The following GLDC variants were observed in gnomAD, a reference collection of about 807,000 sequenced individuals.
GLDC encodes the protein glycine dehydrogenase (decarboxylating), mitochondrial.
GLDC carries 104 observed loss-of-function variants against 121.3 expected under a neutral mutation model. The observed-to-expected ratio is 0.86, with a 90% CI of 0.73 to 1.01. The LOEUF is 1.01. Ranked by LOEUF, GLDC falls within the 50% of genes least tolerant of loss-of-function variation. The probability of loss-of-function intolerance (pLI) is 0.00; values close to 1 mark genes in which losing one functional copy is unlikely to be tolerated. For synonymous variants in GLDC, 546 were observed against 480.6 expected (o/e 1.14, Z -1.78); for missense variants, 1,429 against 1,306.6 (o/e 1.09, Z -1.44).
Position 6,592,198 on chromosome 9 carries a change from A to T in GLDC, c.1427T>A (p.Val476Asp). 3.7e-6 allele frequency: 6 copies of T among 1,606,220 alleles called. No individual in the cohort carries two copies. Among genetic ancestry groups the T allele is most frequent in the Non-Finnish European group, 5.1e-6 (6 of 1,173,090 alleles). ...CAAATCGTCCAGATCTTTTTCATTG[A>T]CTGTTTCATCAAGAGAAATACCAAG... ...GTLGISLDETVNEKDLDDLLW... is the reference protein window; with the variant it reads ...GTLGISLDETDNEKDLDDLLW... The change falls in exon 11 of 25, where the codon GTC (valine) becomes GAC (aspartate). Residue 476 changes from valine to aspartate, a missense_variant. Coordinates refer to ENST00000321612, the MANE Select transcript of GLDC (RefSeq NM_000170.3).
intron 2 of GLDC, among the ~76,000 whole-genome samples, chr9:6,620,534 C>G (rs982457204): frequency 1.3e-5 from 2 of 151,518 alleles, no homozygotes; most frequent in African/African-American, 2.4e-5. Flanking sequence ...CAAGGTTGGC[C>G]CCCCCATCAC....
At chr9:6,620,951 T>C (rs189997237) in intron 2 of GLDC, among the ~76,000 whole-genome samples, 7 of 152,250 alleles carry the variant, frequency 4.6e-5, no homozygotes, top group Non-Finnish European at 8.8e-5. Flanking sequence ...GCGGATCACC[T>C]GAGGTCAGGA....
At chr9:6,547,146 G>A (rs1170311976) in intron 21 of GLDC, among the ~76,000 whole-genome samples, 1 of 151,998 alleles carries the variant, frequency 6.6e-6, no homozygotes, top group African/African-American at 2.4e-5. Context: ...ACACCCGGCT[G>A]CTACTAAATA....
intron 2 of GLDC, among the ~76,000 whole-genome samples, chr9:6,634,506 G>T (rs920783409): frequency 3.3e-5 from 5 of 151,546 alleles, no homozygotes; most frequent in Non-Finnish European, 5.9e-5. Context: ...TTGAGCCTAG[G>T]TGACATAACC....
chr9:6,644,527 T>A (rs1052032308), intron 2 of GLDC, 87 bp downstream of exon 2: 4 of 894,230 alleles, frequency 4.5e-6, no homozygotes, highest in Non-Finnish European at 7.5e-6. Flanking sequence ...TGAGCAATCC[T>A]TACCCCAGAG....
intron 15 of GLDC, chr9:6,569,219 A>G (rs1019861716): frequency 6.6e-6 from 1 of 152,240 alleles, no homozygotes; most frequent in Non-Finnish European, 1.5e-5. Context: ...AGATAGGGTG[A>G]GGGTGATAGT....
chr9:6,609,631 C>G (rs1818808589), intron 4 of GLDC, among the ~76,000 whole-genome samples: 1 of 152,030 alleles, frequency 6.6e-6, no homozygotes, highest in African/African-American at 2.4e-5. Context: ...CCCCCACCCC[C>G]AGCCACATCT....
chr9:6,550,872 T>C lies in GLDC; in HGVS notation c.2500A>G (p.Ile834Val). Residue 834 changes from isoleucine (I) to valine (V), a missense_variant, in exon 21 of 25, where the codon ATA becomes GTA. By Grantham distance (29) the Ile-to-Val change is conservative (BLOSUM62 3). Transcript: ENST00000321612. The part of the protein sequence containing the change: ...KGLKQATETA[I>V]LNANYMAKRL... ...TTGGCCATGTAGTTGGCATTTAATA[T>C]CGCAGTTTCCGTGGCTTGTTTAAGA... 1.2e-6 allele frequency: 2 copies of C among 1,613,894 alleles called. No homozygotes were observed. The highest frequency in any genetic ancestry group is 1.7e-6 in the Non-Finnish European group (2 of 1,179,768).
chr9:6,572,085 T>C (rs1339226442), intron 15 of GLDC, among the ~76,000 whole-genome samples: 1 of 152,184 alleles, frequency 6.6e-6, no homozygotes, highest in Non-Finnish European at 1.5e-5. Flanking sequence ...CTATGAAATT[T>C]CTGGGAAAAA....
intron 20 of GLDC, among the ~76,000 whole-genome samples, chr9:6,551,268 G>A (rs1289180882): frequency 1.3e-5 from 2 of 152,272 alleles, no homozygotes; most frequent in Admixed American, 1.3e-4. Context: ...ATGAATTTGA[G>A]AGGTCTTGAT....
intron 2 of GLDC, among the ~76,000 whole-genome samples, chr9:6,637,567 A>T (rs1023246969): frequency 2.0e-5 from 3 of 151,970 alleles, no homozygotes; most frequent in Admixed American, 6.6e-5. Flanking sequence ...CCCAGGTTCA[A>T]GCTATTCTCC....
chr9:6,624,028 ACTGAGTTTAGC>A (rs1224700580), intron 2 of GLDC, among the ~76,000 whole-genome samples: 1 of 152,236 alleles, frequency 6.6e-6, no homozygotes, highest in African/African-American at 2.4e-5. Flanking sequence ...TGTCTGTCAA[ACTGAGTTTAGC>A]CTTTGGAAAT....
At chr9:6,607,457 C>G (rs1159010537) in intron 4 of GLDC, among the ~76,000 whole-genome samples, 1 of 151,896 alleles carries the variant, frequency 6.6e-6, no homozygotes, top group Non-Finnish European at 1.5e-5. Context: ...GTGGTGCACG[C>G]CTGTAATCCC....
At chr9:6,545,401 CAG>C (rs1307579741) in intron 21 of GLDC, among the ~76,000 whole-genome samples, 1 of 152,030 alleles carries the variant, frequency 6.6e-6, no homozygotes, top group Non-Finnish European at 1.5e-5. Context: ...ATAGAAAAGA[CAG>C]AGCAAAAATA....
chr9:6,589,112 G>A (rs1453001586), intron 12 of GLDC, 83 bp downstream of exon 12: 1 of 872,512 alleles, frequency 1.1e-6, no homozygotes, highest in African/African-American at 1.6e-5. Context: ...GCCACAGCAG[G>A]CGAAATCAGC....
chr9:6,595,456 G>C (rs911383226), intron 8 of GLDC, among the ~76,000 whole-genome samples: 1 of 152,180 alleles, frequency 6.6e-6, no homozygotes, highest in African/African-American at 2.4e-5. Context: ...GGAAGACAGT[G>C]AAGCAATAAA....
chr9:6,619,545 C>T (rs879712048), intron 3 of GLDC, among the ~76,000 whole-genome samples: 7 of 151,968 alleles, frequency 4.6e-5, no homozygotes, highest in Non-Finnish European at 7.4e-5. Context: ...CTGGCCAACA[C>T]GGTGAAACCC....
At position 6,574,327 on chromosome 9, in the gene GLDC, C is replaced by T. The variant is rs139536075; in HGVS notation, c.1851-8898G>A. On this transcript the variant is annotated intron_variant, in intron 15 of 24. Coordinates refer to ENST00000321612, the MANE Select transcript of GLDC (RefSeq NM_000170.3). ...TACTAAAAATCAAAAATTAGCTGGGCGTGGTGGCGGGTGCCTGTAATTCCA... is the reference window on the plus strand; with the variant it reads ...TACTAAAAATCAAAAATTAGCTGGGTGTGGTGGCGGGTGCCTGTAATTCCA... 2.9e-3 allele frequency among the ~76,000 whole-genome samples: 442 copies of T among 151,952 alleles called. 5 individuals carry two copies. In the East Asian group the frequency reaches 0.032, roughly 11 times the overall value.
chr9:6,539,305 C>T (rs577775416), intron 22 of GLDC, among the ~76,000 whole-genome samples: 31 of 152,182 alleles, frequency 2.0e-4, no homozygotes, highest in Non-Finnish European at 3.8e-4. Context: ...TGGTGAAACC[C>T]CATCTCTACT....
Sources: gnomAD v4.1 joint callset for allele counts (sites outside exome capture counted in the v4.1 genomes callset) on GRCh38, gnomAD v4.1.1 for gene constraint, MANE v1.5 for transcripts, NCBI Gene and HGNC (gene_info 2026-07-23, HGNC 2026-07-21) for gene names.